MATN2: variants seen among roughly 807,000 people sequenced by gnomAD.
MATN2 encodes matrilin 2.
MATN2 carries 69 observed loss-of-function variants against 103.2 expected under a neutral mutation model. That is an observed-to-expected ratio of 0.67 (90% confidence interval 0.55 to 0.82). The LOEUF (loss-of-function observed/expected upper bound fraction) is 0.82. Ranked by LOEUF, MATN2 falls within the 40% of genes least tolerant of loss-of-function variation. MATN2 has a pLI of 0.00. For missense variants in MATN2, 1,023 were observed against 1,211.5 expected (o/e 0.84, Z 2.31); for synonymous variants, 429 against 450.2 (o/e 0.95, Z 0.60).
rs117694525 is a variant in MATN2 at position 97,918,304 on chromosome 8, C to T, written c.143-12649C>T. Among the ~76,000 whole-genome samples the T allele has an allele frequency of 7.2e-3, 1,092 of 152,262 alleles. 8 individuals are homozygous for T. Among genetic ancestry groups the T allele is most frequent in the Middle Eastern group, 0.014 (4 of 294 alleles). The stretch of plus-strand genomic sequence containing the variant: ...CACTGTGAGCTTCTTGAGGCCAGGA[C>T]CTGACGATACAGCACTAACCATTGT... On this transcript the variant is annotated intron_variant, in intron 2 of 18. Transcript: ENST00000254898.
chr8:97,907,164 C>A (rs1819202282), intron 2 of MATN2, among the ~76,000 whole-genome samples: 1 of 151,660 alleles, frequency 6.6e-6, no homozygotes, highest in African/African-American at 2.4e-5. Context: ...CCACACCCAA[C>A]TAATTTTTGT....
chr8:97,894,698 C>T (rs888611499), intron 2 of MATN2, among the ~76,000 whole-genome samples: 2 of 152,102 alleles, frequency 1.3e-5, no homozygotes, highest in Non-Finnish European at 1.5e-5. Context: ...TTCATTTTTG[C>T]ATGTATCTCT....
At chr8:98,021,960 C>T (rs952430717) in intron 13 of MATN2, among the ~76,000 whole-genome samples, 1 of 152,060 alleles carries the variant, frequency 6.6e-6, no homozygotes, top group Non-Finnish European at 1.5e-5. Flanking sequence ...ATTGGTATAA[C>T]CTTTCAGAGG....
intron 5 of MATN2, among the ~76,000 whole-genome samples, chr8:97,969,315 A>ATCAC (rs1811583483): frequency 6.6e-6 from 1 of 152,264 alleles, no homozygotes; most frequent in Non-Finnish European, 1.5e-5. Context: ...TCCAGACCGT[A>ATCAC]TCACTAAGCA....
intron 5 of MATN2, among the ~76,000 whole-genome samples, chr8:97,969,443 C>T (rs1216584166): frequency 6.6e-6 from 1 of 152,202 alleles, no homozygotes; most frequent in Admixed American, 6.5e-5. Flanking sequence ...TCCCAATATA[C>T]TCTAAGAACT....
chr8:97,954,030 T>G (rs1811056606), intron 4 of MATN2, among the ~76,000 whole-genome samples: 1 of 152,170 alleles, frequency 6.6e-6, no homozygotes, highest in South Asian at 2.1e-4. Flanking sequence ...CCCATCTAGA[T>G]TATCTCACTC....
chr8:97,941,637 C>A, intron 3 of MATN2, 140 bp from the exon 4 acceptor site: 1 of 858,422 alleles, frequency 1.2e-6, no homozygotes. Context: ...ACTGTGAGCC[C>A]CCTTGAGGGT....
At chr8:97,918,879 C>T (rs1809720514) in intron 2 of MATN2, among the ~76,000 whole-genome samples, 1 of 152,212 alleles carries the variant, frequency 6.6e-6, no homozygotes, top group Admixed American at 6.5e-5. Context: ...GTCACTTAAC[C>T]TCCCTGAGCC....
intron 4 of MATN2, among the ~76,000 whole-genome samples, chr8:97,953,933 G>T (rs1427601976): frequency 6.6e-6 from 1 of 152,078 alleles, no homozygotes; most frequent in Non-Finnish European, 1.5e-5. Context: ...TTGCACTCTA[G>T]CCTGGGTGAC....
rs182626848 is a variant in MATN2, at chr8:97,892,639, T to C, written c.142+4397T>C. On this transcript the variant is annotated intron_variant, in intron 2 of 18. Coordinates refer to ENST00000254898, the MANE Select transcript of MATN2 (RefSeq NM_002380.5). Reference sequence around the variant, plus strand: ...TATAATTGTGAATGTTCTTTGATACTACACCAAAACTTGACAAAGAGTAGT... The same window carrying C: ...TATAATTGTGAATGTTCTTTGATACCACACCAAAACTTGACAAAGAGTAGT... Among the ~76,000 whole-genome samples the C allele has an allele frequency of 4.6e-5, 7 of 152,344 alleles. No individual in the cohort carries two copies. The East Asian group carries it at 1.3e-3, about 29-fold the overall frequency.
intron 7 of MATN2, among the ~76,000 whole-genome samples, chr8:98,003,248 A>T (rs1342069721): frequency 6.6e-6 from 1 of 151,964 alleles, no homozygotes; most frequent in Non-Finnish European, 1.5e-5. Context: ...GCTGTCCTCG[A>T]GTCCTCATGT....
At chr8:97,950,475 G>A (rs1222242084) in intron 4 of MATN2, among the ~76,000 whole-genome samples, 1 of 152,070 alleles carries the variant, frequency 6.6e-6, no homozygotes. Flanking sequence ...TCACTCATCC[G>A]CTCATTCATT....
Position 97,925,409 on chromosome 8 carries a change from T to C in MATN2, c.143-5544T>C, listed in dbSNP as rs192731349. On this transcript the variant is annotated intron_variant, in intron 2 of 18. Coordinates refer to ENST00000254898, the MANE Select transcript of MATN2 (RefSeq NM_002380.5). ...ATATTTACTTCACTTTTATACTAGATAGGAGAACTCAAGCAAGTTATCTAA... is the reference window on the plus strand; with the variant it reads ...ATATTTACTTCACTTTTATACTAGACAGGAGAACTCAAGCAAGTTATCTAA... Among the ~76,000 whole-genome samples, 21 of 151,764 alleles carry C rather than the reference T, an allele frequency of 1.4e-4. No individual in the cohort carries two copies. The East Asian group carries it at 3.9e-3, about 28-fold the overall frequency.
At chr8:97,974,327 T>C (rs184347329) in intron 5 of MATN2, among the ~76,000 whole-genome samples, 4 of 152,208 alleles carry the variant, frequency 2.6e-5, no homozygotes, top group African/African-American at 9.6e-5. Context: ...TTAGTAGAGA[T>C]GGGGTTTCAC....
chr8:97,993,500 A>AAAT (rs143730818), intron 6 of MATN2, among the ~76,000 whole-genome samples: 29,219 of 152,012 alleles, frequency 0.19, 3,816 homozygotes, highest in African/African-American at 0.36. Flanking sequence ...AAAAAAAAGA[A>AAAT]AAAGAACAAA....
chr8:97,964,283 G>C (rs1811412000), intron 5 of MATN2, among the ~76,000 whole-genome samples: 1 of 152,158 alleles, frequency 6.6e-6, no homozygotes, highest in Admixed American at 6.5e-5. Context: ...ACCAGACTTA[G>C]AGCAGGAAAT....
intron 15 of MATN2, among the ~76,000 whole-genome samples, chr8:98,031,242 C>G (rs79469546): frequency 6.6e-6 from 1 of 151,400 alleles, no homozygotes; most frequent in Admixed American, 6.6e-5. Flanking sequence ...GGAGACTGAG[C>G]GGGGAGGATC....
chr8:98,016,396 C>T lies in MATN2; in HGVS notation c.1574-144C>T. 7.0e-6 allele frequency: 5 copies of T among 712,294 alleles called. No individual in the cohort carries two copies. In the South Asian group the frequency reaches 9.4e-5, roughly 13 times the overall value. The allele number at this position is 712,294 out of a possible 1,614,324, so 44.1% of individuals were successfully genotyped here. The stretch of plus-strand genomic sequence containing the variant: ...TCAAAAAAGAATTTTTGCTCATAGA[C>T]ATGCTTTATATTCTGAAATGTGTAC... On this transcript the variant is annotated intron_variant, in intron 10 of 18. Transcript: ENST00000254898.
At chr8:97,977,680 A>T (rs903277578) in intron 5 of MATN2, among the ~76,000 whole-genome samples, 5 of 152,034 alleles carry the variant, frequency 3.3e-5, no homozygotes, top group Non-Finnish European at 7.4e-5. Context: ...ACTCATTCAG[A>T]CTAAAAGCTG....
Sources: allele counts gnomAD v4.1 joint callset (sites outside exome capture counted in the v4.1 genomes callset), GRCh38; gene constraint gnomAD v4.1.1; transcripts MANE v1.5; gene names NCBI Gene and HGNC (gene_info 2026-07-23, HGNC 2026-07-21).